The following FOXP2 variants were observed in gnomAD, a reference collection of about 807,000 sequenced individuals.
FOXP2 encodes forkhead box P2, also known as forkhead box protein P2.
FOXP2 carries 12 observed loss-of-function variants against 115.8 expected under a neutral mutation model. The ratio of observed to expected loss-of-function variants is 0.10; its 90% CI spans 0.07 to 0.17. The LOEUF is 0.17. Ranked by LOEUF, FOXP2 falls within the 10% of genes least tolerant of loss-of-function variation. The probability of loss-of-function intolerance (pLI) is 1.00; values close to 1 mark genes in which losing one functional copy is unlikely to be tolerated. For synonymous variants in FOXP2, 328 were observed against 297.7 expected (o/e 1.10, Z -1.05); for missense variants, 629 against 843.5 (o/e 0.75, Z 3.15).
intron 2 of FOXP2, among the ~76,000 whole-genome samples, chr7:114,456,297 C>T (rs1411410267): frequency 6.6e-6 from 1 of 152,158 alleles, no homozygotes; most frequent in South Asian, 2.1e-4. Context: ...GCTCTAGAGC[C>T]CTGCGGTGTA....
intron 2 of FOXP2, among the ~76,000 whole-genome samples, chr7:114,453,290 G>T (rs371505888): frequency 6.6e-6 from 1 of 152,072 alleles, no homozygotes; most frequent in African/African-American, 2.4e-5. Flanking sequence ...GGTCCCTTAC[G>T]TTAGAAACAG....
At chr7:114,653,840 A>G in intron 9 of FOXP2, 86 bp from the exon 10 acceptor site, 1 of 1,358,094 alleles carries the variant, frequency 7.4e-7, no homozygotes. Context: ...ATTCTGAGGC[A>G]AGCTCAATGA....
At chr7:114,330,113 T>C (rs1402930884) in intron 2 of FOXP2, among the ~76,000 whole-genome samples, 1 of 152,212 alleles carries the variant, frequency 6.6e-6, no homozygotes, top group Non-Finnish European at 1.5e-5. Context: ...CTGTGGATTT[T>C]TTTTCCTCTA....
intron 3 of FOXP2, among the ~76,000 whole-genome samples, chr7:114,559,868 G>T (rs1473109983): frequency 7.1e-6 from 1 of 141,324 alleles, no homozygotes; most frequent in African/African-American, 2.7e-5. Context: ...CAGCCTGGGC[G>T]ACAGAGCAAG....
At chr7:114,451,508 T>C (rs1795072221) in intron 2 of FOXP2, among the ~76,000 whole-genome samples, 1 of 152,028 alleles carries the variant, frequency 6.6e-6, no homozygotes, top group African/African-American at 2.4e-5. Flanking sequence ...CATTAAATGA[T>C]TATAGTTTGT....
intron 1 of FOXP2, among the ~76,000 whole-genome samples, chr7:114,197,646 A>G (rs1167241709): frequency 1.3e-5 from 2 of 152,186 alleles, no homozygotes; most frequent in African/African-American, 2.4e-5. Context: ...TTTTCTATAT[A>G]AAACAAGATG....
chr7:114,675,496 T>G (rs1210725837), intron 16 of FOXP2, among the ~76,000 whole-genome samples: 1 of 152,158 alleles, frequency 6.6e-6, no homozygotes, highest in Non-Finnish European at 1.5e-5. Context: ...AAAACAGCAA[T>G]GTGATAGAGT....
intron 2 of FOXP2, among the ~76,000 whole-genome samples, chr7:114,461,369 G>T (rs1231456226): frequency 6.6e-6 from 1 of 151,916 alleles, no homozygotes; most frequent in African/African-American, 2.4e-5. Flanking sequence ...TCCTTTTAAT[G>T]TATGGGTCAT....
rs1034236579 is a variant in FOXP2 at position 114,693,512 on chromosome 7, G to C, written c.*3586G>C. On this transcript the variant is annotated 3_prime_UTR_variant, in exon 17 of 17. Transcript: ENST00000350908. ...CACATTTGGACAATAGCTTTATTAA[G>C]TCTATAAAGCTATTGAAAGGAACAT... The C allele has an allele frequency of 2.2e-6, 1 of 452,376 alleles. No homozygotes were observed. Among genetic ancestry groups the C allele is most frequent in the African/African-American group, 2.0e-5 (1 of 49,896 alleles). 28.0% of individuals were successfully genotyped at this position (452,376 alleles called of 1,614,324 possible). A position where few individuals can be genotyped will look rare whatever the true frequency, so the allele number is the denominator to read the frequency against.
At chr7:114,170,458 A>G (rs925388387) in intron 1 of FOXP2, among the ~76,000 whole-genome samples, 1 of 152,210 alleles carries the variant, frequency 6.6e-6, no homozygotes, top group Non-Finnish European at 1.5e-5. Context: ...GAAATGATTC[A>G]GTTTTGTGAG....
At chr7:114,247,381 T>A (rs1795312304) in intron 1 of FOXP2, among the ~76,000 whole-genome samples, 1 of 152,200 alleles carries the variant, frequency 6.6e-6, no homozygotes. Context: ...AAGTTAATCA[T>A]CATCTTTTGT....
chr7:114,316,212 A>G (rs1325720480), intron 2 of FOXP2, among the ~76,000 whole-genome samples: 1 of 152,224 alleles, frequency 6.6e-6, no homozygotes, highest in Admixed American at 6.5e-5. Flanking sequence ...TTGCTTTTTC[A>G]ATCACAAACA....
intron 2 of FOXP2, among the ~76,000 whole-genome samples, chr7:114,406,815 T>A (rs1793047527): frequency 6.6e-6 from 1 of 152,018 alleles, no homozygotes; most frequent in African/African-American, 2.4e-5. Flanking sequence ...CTTTACCTCC[T>A]CCCTCTCTCC....
intron 1 of FOXP2, among the ~76,000 whole-genome samples, chr7:114,284,637 A>G (rs1796421923): frequency 6.6e-6 from 1 of 152,182 alleles, no homozygotes. Context: ...CAACCATTAT[A>G]GAAAACTGTG....
chr7:114,344,981 G>T (rs1352572693), intron 2 of FOXP2, among the ~76,000 whole-genome samples: 1 of 151,428 alleles, frequency 6.6e-6, no homozygotes, highest in Non-Finnish European at 1.5e-5. Context: ...CATTTAAAAA[G>T]AATTGTATAA....
chr7:114,620,001 A>G lies in FOXP2; in HGVS notation c.259-8539A>G, dbSNP rs147453767. On this transcript the variant is annotated intron_variant, in intron 3 of 16. Transcript: ENST00000350908. Reference sequence around the variant, plus strand: ...TTGTTATGCAAGATTCACAGTGATCATGTTGGAGAAAACTGTCTCTGATAC... The same window carrying G: ...TTGTTATGCAAGATTCACAGTGATCGTGTTGGAGAAAACTGTCTCTGATAC... Among the ~76,000 whole-genome samples the G allele has an allele frequency of 5.4e-3, 820 of 152,160 alleles. 1 individual carries two copies. The highest frequency in any genetic ancestry group is 9.1e-3 in the South Asian group (44 of 4,826).
chr7:114,414,867 CTCTCTCTCTCTG>C lies in FOXP2; in HGVS notation c.-500_-489del, dbSNP rs766417578. 3.4e-6 allele frequency: 1 copy of C among 294,062 alleles called. No individual in the cohort carries two copies. The highest frequency in any genetic ancestry group is 6.8e-6 in the Non-Finnish European group (1 of 146,970). 18.2% of individuals were successfully genotyped at this position (294,062 alleles called of 1,614,324 possible). A position where few individuals can be genotyped will look rare whatever the true frequency, so the allele number is the denominator to read the frequency against. On this transcript the variant is annotated 5_prime_UTR_variant, in exon 1 of 17. Coordinates refer to ENST00000350908, the MANE Select transcript of FOXP2 (RefSeq NM_014491.4). Reference sequence around the variant, plus strand: ...GAGAGACTCAAACTGGTGCTTTTGTCTCTCTCTCTCTGTCTTTCTCTCTCTCACACACACACT... The same window carrying C: ...GAGAGACTCAAACTGGTGCTTTTGTCTCTTTCTCTCTCTCACACACACACT...
intron 3 of FOXP2, among the ~76,000 whole-genome samples, chr7:114,539,249 G>C (rs949537810): frequency 2.6e-5 from 4 of 151,820 alleles, no homozygotes; most frequent in African/African-American, 7.2e-5. Context: ...ATGGGATATA[G>C]AATCACTCAT....
intron 2 of FOXP2, among the ~76,000 whole-genome samples, chr7:114,458,223 G>T (rs1795404461): frequency 6.6e-6 from 1 of 152,052 alleles, no homozygotes; most frequent in African/African-American, 2.4e-5. Context: ...TGTTGTTAAT[G>T]GTGCAGTTAT....
Sources: gnomAD v4.1 joint callset for allele counts (sites outside exome capture counted in the v4.1 genomes callset) on GRCh38, gnomAD v4.1.1 for gene constraint, MANE v1.5 for transcripts, NCBI Gene and HGNC (gene_info 2026-07-23, HGNC 2026-07-21) for gene names.